TMX2: variants seen among roughly 807,000 people sequenced by gnomAD.
TMX2 encodes thioredoxin-related transmembrane protein 2.
Under a neutral mutation model 33.4 loss-of-function variants are expected in TMX2, and 20 were observed. The observed-to-expected ratio is 0.60, with a 90% CI of 0.42 to 0.87. TMX2 has a LOEUF of 0.87. TMX2 is among the 40% of genes least tolerant of loss of function. The probability of loss-of-function intolerance (pLI) is 0.00; values close to 1 mark genes in which losing one functional copy is unlikely to be tolerated. For synonymous variants in TMX2, 166 were observed against 140.7 expected, an observed-to-expected ratio of 1.18 and a Z score of -1.27; for missense variants, 340 against 370.7, an observed-to-expected ratio of 0.92 and a Z score of 0.68.
At chr11:57,738,098 C>CAATCA in intron 3 of TMX2, 72 bp downstream of exon 3, 2 of 1,223,872 alleles carry the variant, frequency 1.6e-6, no homozygotes, top group Non-Finnish European at 2.3e-6. Context: ...GTGGAAACCA[C>CAATCA]AGTCCCAACA....
chr11:57,718,644 A>ACC (rs989216740), intron 1 of TMX2: 1 of 269,292 alleles, frequency 3.7e-6, no homozygotes, highest in Non-Finnish European at 6.8e-6. Flanking sequence ...TTCTGAAATA[A>ACC]CCCCCCCTCT....
At chr11:57,731,134 T>TGTTTTTTTTTTTTTTTTTTTTTTTG (rs1350843677) in intron 1 of TMX2, among the ~76,000 whole-genome samples, 1 of 68,122 alleles carries the variant, frequency 1.5e-5, no homozygotes, top group Non-Finnish European at 2.8e-5. Context: ...TGTTTTTTTT[T>TGTTTTTTTTTTTTTTTTTTTTTTTG]TTTTTTTTTT....
chr11:57,733,412 G>A (rs1044120595), intron 1 of TMX2, among the ~76,000 whole-genome samples: 1 of 151,760 alleles, frequency 6.6e-6, no homozygotes, highest in East Asian at 1.9e-4. Context: ...CCGCCATCAC[G>A]CCTGGCTGAC....
At chr11:57,721,882 A>C (rs1463847359) in intron 1 of TMX2, among the ~76,000 whole-genome samples, 1 of 152,198 alleles carries the variant, frequency 6.6e-6, no homozygotes, top group Non-Finnish European at 1.5e-5. Context: ...TATTAATTTG[A>C]GACACCAGCT....
intron 1 of TMX2, among the ~76,000 whole-genome samples, chr11:57,726,892 C>T (rs1565223287): frequency 6.6e-6 from 1 of 152,108 alleles, no homozygotes; most frequent in Non-Finnish European, 1.5e-5. Context: ...TCACAGGGTT[C>T]AAATAACCCT....
Position 57,740,247 on chromosome 11 carries a change from A to T in TMX2, c.*2A>T. 6.3e-7 allele frequency: 1 copy of T among 1,588,016 alleles called. No homozygotes were observed. Among genetic ancestry groups the T allele is most frequent in the Non-Finnish European group, 8.6e-7 (1 of 1,168,262 alleles). On this transcript the variant is annotated 3_prime_UTR_variant, in exon 8 of 8. Transcript: ENST00000278422. ...GGGGAAAACAAGAAGGATAAATAAG[A>T]TCCTCACTTTGGCAGTGCTTCCTCT...
At chr11:57,734,045 G>A (rs11229112) in intron 1 of TMX2, among the ~76,000 whole-genome samples, 1 of 151,678 alleles carries the variant, frequency 6.6e-6, no homozygotes, top group Admixed American at 6.6e-5. Context: ...GGTGGCGGGT[G>A]CCTGTAGTCC....
Position 57,712,605 on chromosome 11 carries a change from T to TTACGGCCG in TMX2, c.-13_-6dup, listed in dbSNP as rs1367078494. On this transcript the variant is annotated 5_prime_UTR_variant, in exon 1 of 8. Coordinates refer to ENST00000278422, the MANE Select transcript of TMX2 (RefSeq NM_015959.4). ...CTACGACGCCGGCGAGCAGTGGCCGTTACGGCCGAAAAGATGGCGGTCTTG... is the reference window on the plus strand; with the variant it reads ...CTACGACGCCGGCGAGCAGTGGCCGTTACGGCCGTACGGCCGAAAAGATGGCGGTCTTG... 6.2e-7 allele frequency: 1 copy of TTACGGCCG among 1,600,132 alleles called. No individual in the cohort carries two copies. The highest frequency in any genetic ancestry group is 1.3e-5 in the African/African-American group (1 of 74,776).
At chr11:57,718,295 C>T (rs1947313137) in intron 1 of TMX2, 3 of 1,547,444 alleles carry the variant, frequency 1.9e-6, no homozygotes, top group Non-Finnish European at 2.7e-6. Flanking sequence ...CAAATTTCTC[C>T]CCATAGATGG....
At position 57,712,692 on chromosome 11, in the gene TMX2, A is replaced by T; in HGVS notation, c.74A>T (p.Tyr25Phe). The T allele has an allele frequency of 1.2e-6, 2 of 1,614,102 alleles. No individual in the cohort carries two copies. Among genetic ancestry groups the T allele is most frequent in the Non-Finnish European group, 1.7e-6 (2 of 1,180,014 alleles). ...CTTTCACGATGGCTCGCCCAACCTT[A>T]CTACCTTCTGTCGGCCCTGCTCTCT... The part of the protein sequence containing the change: ...PRLSRWLAQP[Y>F]YLLSALLSAA... Residue 25 changes from tyrosine to phenylalanine, a missense_variant, in exon 1 of 8, where the codon TAC (tyrosine) becomes TTC (phenylalanine). Transcript: ENST00000278422.
intron 1 of TMX2, among the ~76,000 whole-genome samples, chr11:57,719,318 A>T (rs1947410897): frequency 6.6e-6 from 1 of 151,580 alleles, no homozygotes. Flanking sequence ...TACAGGCATG[A>T]GCTACCGTGC....
intron 1 of TMX2, among the ~76,000 whole-genome samples, chr11:57,717,571 C>T (rs1227250009): frequency 6.6e-6 from 1 of 152,046 alleles, no homozygotes; most frequent in Non-Finnish European, 1.5e-5. Flanking sequence ...GGCGTGGTGG[C>T]GCTTGCCTGC....
At chr11:57,739,081 C>T (rs769472834) in intron 6 of TMX2, 42 bp downstream of exon 6, 3 of 1,614,170 alleles carry the variant, frequency 1.9e-6, no homozygotes, top group Non-Finnish European at 2.5e-6. Context: ...AGGGAAATCA[C>T]TTTGAGTGAT....
chr11:57,722,040 C>T (rs187114766), intron 1 of TMX2, among the ~76,000 whole-genome samples: 12 of 152,220 alleles, frequency 7.9e-5, no homozygotes, highest in Admixed American at 3.3e-4. Flanking sequence ...CTCTTACCCA[C>T]GCTACAGTGC....
At chr11:57,737,568 G>GT in intron 1 of TMX2, 40 bp from the exon 2 acceptor site, 2 of 1,568,126 alleles carry the variant, frequency 1.3e-6, no homozygotes, top group Non-Finnish European at 1.8e-6. Context: ...GTTAGCTCTA[G>GT]TCACTGCATT....
At chr11:57,738,481 G>A (rs1197656802) in intron 4 of TMX2, 51 bp downstream of exon 4, 1 of 1,429,404 alleles carries the variant, frequency 7.0e-7, no homozygotes, top group South Asian at 1.2e-5. Context: ...GGGTGATTTT[G>A]TAGTTGTGCT....
intron 1 of TMX2, chr11:57,717,914 A>G (rs1312878054): frequency 6.2e-6 from 4 of 641,616 alleles, no homozygotes; most frequent in Non-Finnish European, 1.1e-5. Flanking sequence ...ACGGAACCCA[A>G]AGGGAACTGC....
At chr11:57,714,271 T>C (rs1319841862) in intron 1 of TMX2, among the ~76,000 whole-genome samples, 1 of 152,222 alleles carries the variant, frequency 6.6e-6, no homozygotes, top group Non-Finnish European at 1.5e-5. Context: ...ATTAAATTGT[T>C]GTGTCTCATT....
At chr11:57,723,321 A>C (rs1235500300) in intron 1 of TMX2, among the ~76,000 whole-genome samples, 1 of 150,382 alleles carries the variant, frequency 6.6e-6, no homozygotes, top group Non-Finnish European at 1.5e-5. Flanking sequence ...CTCTACTAAC[A>C]ATACAAAAAA....
Sources: allele counts gnomAD v4.1 joint callset (sites outside exome capture counted in the v4.1 genomes callset), GRCh38; gene constraint gnomAD v4.1.1; transcripts MANE v1.5; gene names NCBI Gene and HGNC (gene_info 2026-07-23, HGNC 2026-07-21).